The following SPTLC1 variants were observed in gnomAD, a reference collection of about 807,000 sequenced individuals.
The protein encoded by SPTLC1 is serine palmitoyltransferase long chain base subunit 1.
SPTLC1 carries 55 observed loss-of-function variants against 68.9 expected under a neutral mutation model. The observed-to-expected ratio is 0.80, with a 90% confidence interval of 0.64 to 1.00. The LOEUF is 1.00. Among genes scored for constraint, SPTLC1 ranks in the 50% least tolerant of loss-of-function variants. The probability of loss-of-function intolerance (pLI) is 0.00; values close to 1 mark genes in which losing one functional copy is unlikely to be tolerated. For missense variants in SPTLC1, 449 were observed against 573.1 expected (o/e 0.78, Z 2.21); for synonymous variants, 197 against 201.6 (o/e 0.98, Z 0.19).
intron 3 of SPTLC1, among the ~76,000 whole-genome samples, chr9:92,086,342 G>A (rs1430945624): frequency 2.0e-5 from 3 of 152,182 alleles, no homozygotes; most frequent in African/African-American, 4.8e-5. Flanking sequence ...TAGTCTGGAT[G>A]GTCTTTACAT....
In SPTLC1 at chr9:92,105,244, G is replaced by A. The variant is rs1835914567; in HGVS notation, c.260+3496C>T. 23 of 1,534,280 alleles carry A rather than the reference G, an allele frequency of 1.5e-5. No individual in the cohort carries two copies. In the South Asian group the frequency reaches 2.6e-4, roughly 17 times the overall value. Reference sequence around the variant, plus strand: ...TGCAACTGAGGTGGGAGAGAGATGAGGGGCCCCCACCGGCTAAGCTTCCAT... The same window carrying A: ...TGCAACTGAGGTGGGAGAGAGATGAAGGGCCCCCACCGGCTAAGCTTCCAT... On this transcript the variant is annotated intron_variant, in intron 3 of 14. Coordinates refer to ENST00000262554, the MANE Select transcript of SPTLC1 (RefSeq NM_006415.4).
chr9:92,111,173 T>A (rs1031248714), intron 2 of SPTLC1: 5 of 152,222 alleles, frequency 3.3e-5, no homozygotes, highest in Non-Finnish European at 5.9e-5. Context: ...ACAACTTTTT[T>A]AAATTACAGC....
rs1364784127 is a variant in SPTLC1 at position 92,109,071 on chromosome 9, G to A, written c.166-237C>T. On this transcript the variant is annotated intron_variant, in intron 2 of 14. Coordinates refer to ENST00000262554, the MANE Select transcript of SPTLC1 (RefSeq NM_006415.4). Reference sequence around the variant, plus strand: ...GTACCTAGCCCTTGACCACTAACAGGAGCTCTCTCGGCTCTCCTAATAACA... The same window carrying A: ...GTACCTAGCCCTTGACCACTAACAGAAGCTCTCTCGGCTCTCCTAATAACA... 7.2e-6 allele frequency: 3 copies of A among 414,500 alleles called. No homozygotes were observed. In the East Asian group the frequency reaches 1.6e-4, roughly 22 times the overall value. 25.7% of individuals were successfully genotyped at this position (414,500 alleles called of 1,614,324 possible). A position where few individuals can be genotyped will look rare whatever the true frequency, so the allele number is the denominator to read the frequency against.
intron 5 of SPTLC1, among the ~76,000 whole-genome samples, chr9:92,075,302 T>C (rs1834644787): frequency 6.6e-6 from 1 of 152,160 alleles, no homozygotes; most frequent in African/African-American, 2.4e-5. Flanking sequence ...CTCTCCTTCT[T>C]AGACGTTGTT....
intron 3 of SPTLC1, among the ~76,000 whole-genome samples, chr9:92,099,394 G>A (rs749828598): frequency 6.6e-5 from 10 of 152,026 alleles, no homozygotes; most frequent in South Asian, 2.1e-4. Flanking sequence ...ATATACAGTC[G>A]CGTGCCATTT....
At chr9:92,110,923 T>C (rs1836212635) in intron 2 of SPTLC1, 1 of 152,224 alleles carries the variant, frequency 6.6e-6, no homozygotes, top group Non-Finnish European at 1.5e-5. Context: ...CCAAAAACTC[T>C]ATAGTCTGAA....
chr9:92,049,347 CCT>C (rs1833627787), intron 9 of SPTLC1, among the ~76,000 whole-genome samples: 1 of 152,144 alleles, frequency 6.6e-6, no homozygotes, highest in South Asian at 2.1e-4. Context: ...CTTCCTCTGC[CCT>C]GAGGCTCCAG....
chr9:92,105,706 G>A (rs1186911979), intron 3 of SPTLC1, among the ~76,000 whole-genome samples: 1 of 151,562 alleles, frequency 6.6e-6, no homozygotes, highest in Non-Finnish European at 1.5e-5. Flanking sequence ...GAAGTGACGA[G>A]TGCCTCTGCC....
At chr9:92,032,800 T>C (rs1242050704) in intron 14 of SPTLC1, among the ~76,000 whole-genome samples, 8 of 148,628 alleles carry the variant, frequency 5.4e-5, no homozygotes, top group Admixed American at 4.8e-4. Flanking sequence ...GGCGTGAACC[T>C]GGGAGGCGGA....
intron 3 of SPTLC1, among the ~76,000 whole-genome samples, chr9:92,090,402 A>G (rs1030226401): frequency 1.3e-5 from 2 of 152,202 alleles, no homozygotes; most frequent in Non-Finnish European, 1.5e-5. Context: ...TGAGGTCAGG[A>G]GTCCGAGACC....
intron 9 of SPTLC1, among the ~76,000 whole-genome samples, chr9:92,048,600 C>T (rs748214891): frequency 2.0e-5 from 3 of 152,206 alleles, no homozygotes; most frequent in Non-Finnish European, 4.4e-5. Context: ...ATATCCCCTA[C>T]CACCCTCATC....
At chr9:92,109,818 C>A (rs1836158053) in intron 2 of SPTLC1, 1 of 152,240 alleles carries the variant, frequency 6.6e-6, no homozygotes, top group Non-Finnish European at 1.5e-5. Flanking sequence ...AATACAAATA[C>A]AAAATTTGCT....
Position 92,047,619 on chromosome 9 carries a change from G to A in SPTLC1, c.978C>T (p.Asp326=), listed in dbSNP as rs1833563475. The part of the protein sequence containing the change: ...GFCCGRSFVI[D]HQRLSGQGYC... Reference sequence around the variant, plus strand: ...GTTTTTAAAAAGAACCCACCTGATGGTCAATTACAAAAGACCTGCCACAGC... The same window carrying A: ...GTTTTTAAAAAGAACCCACCTGATGATCAATTACAAAAGACCTGCCACAGC... Residue 326 remains aspartate (D), a synonymous_variant, in exon 10 of 15, where the codon GAC becomes GAT. Coordinates refer to ENST00000262554, the MANE Select transcript of SPTLC1 (RefSeq NM_006415.4). The A allele has an allele frequency of 6.2e-7, 1 of 1,609,876 alleles. No individual in the cohort carries two copies. Among genetic ancestry groups the A allele is most frequent in the East Asian group, 2.2e-5 (1 of 44,842 alleles).
intron 8 of SPTLC1, chr9:92,051,091 T>C: frequency 1.0e-6 from 1 of 985,226 alleles, no homozygotes; most frequent in Non-Finnish European, 1.2e-6. Flanking sequence ...TATCTTCTGG[T>C]TCACTACCTC....
intron 6 of SPTLC1, among the ~76,000 whole-genome samples, chr9:92,061,525 G>A (rs1834100205): frequency 6.6e-6 from 1 of 152,118 alleles, no homozygotes. Flanking sequence ...TAGGAAAAAA[G>A]CCATAAAAGA....
chr9:92,039,864 T>G (rs1480094748), intron 12 of SPTLC1, among the ~76,000 whole-genome samples: 1 of 150,994 alleles, frequency 6.6e-6, no homozygotes, highest in Non-Finnish European at 1.5e-5. Flanking sequence ...AAATATATCA[T>G]GCTAGATCTC....
intron 12 of SPTLC1, among the ~76,000 whole-genome samples, chr9:92,043,909 G>A (rs1833428262): frequency 6.6e-6 from 1 of 152,176 alleles, no homozygotes; most frequent in Non-Finnish European, 1.5e-5. Flanking sequence ...GTGTGCGGAT[G>A]GCCCATGACC....
intron 3 of SPTLC1, among the ~76,000 whole-genome samples, chr9:92,093,800 T>C (rs1224774472): frequency 6.6e-6 from 1 of 152,154 alleles, no homozygotes; most frequent in Non-Finnish European, 1.5e-5. Context: ...AGGATACAAG[T>C]TCAGGAATGG....
intron 3 of SPTLC1, among the ~76,000 whole-genome samples, chr9:92,090,720 C>T (rs1036076496): frequency 8.0e-5 from 12 of 150,590 alleles, no homozygotes; most frequent in Admixed American, 2.6e-4. Context: ...AGACTAAAGG[C>T]AAGGGAAAAA....
Sources: allele counts gnomAD v4.1 joint callset (sites outside exome capture counted in the v4.1 genomes callset), GRCh38; gene constraint gnomAD v4.1.1; transcripts MANE v1.5; gene names NCBI Gene and HGNC (gene_info 2026-07-23, HGNC 2026-07-21).